AGAP1: variants seen among roughly 807,000 people sequenced by gnomAD.
AGAP1 encodes the protein arf-GAP with GTPase, ANK repeat and PH domain-containing protein 1.
AGAP1 carries 29 observed loss-of-function variants against 105.3 expected under a neutral mutation model. That is an observed-to-expected ratio of 0.28 (90% CI 0.21 to 0.38). The LOEUF is 0.38. AGAP1 is among the 10% of genes least tolerant of loss of function. The probability of loss-of-function intolerance (pLI) is 1.00; values close to 1 mark genes in which losing one functional copy is unlikely to be tolerated. For synonymous variants in AGAP1, 509 were observed against 485.9 expected (o/e 1.05, Z -0.63); for missense variants, 998 against 1,165.1 (o/e 0.86, Z 2.09).
intron 13 of AGAP1, among the ~76,000 whole-genome samples, chr2:235,995,040 A>C (rs2055741593): frequency 9.0e-6 from 1 of 111,392 alleles, no homozygotes; most frequent in Non-Finnish European, 1.7e-5. Flanking sequence ...CACTCCAACC[A>C]GGGAGACAGT....
chr2:235,603,763 C>T (rs1347310769), intron 1 of AGAP1, among the ~76,000 whole-genome samples: 2 of 152,108 alleles, frequency 1.3e-5, no homozygotes, highest in East Asian at 1.9e-4. Context: ...GTATTTTCTC[C>T]TCTCATATCT....
At chr2:235,699,936 C>G (rs535373338) in intron 1 of AGAP1, among the ~76,000 whole-genome samples, 1 of 152,280 alleles carries the variant, frequency 6.6e-6, no homozygotes, top group African/African-American at 2.4e-5. Context: ...TTCTGGGGAC[C>G]TCGGTGTTGG....
intron 1 of AGAP1, among the ~76,000 whole-genome samples, chr2:235,650,265 A>G (rs1465787453): frequency 6.6e-6 from 1 of 152,134 alleles, no homozygotes; most frequent in Admixed American, 6.5e-5. Flanking sequence ...AGAGGCTGAG[A>G]CAGGAAAAAT....
At chr2:235,522,737 A>T (rs1455202374) in intron 1 of AGAP1, among the ~76,000 whole-genome samples, 1 of 152,128 alleles carries the variant, frequency 6.6e-6, no homozygotes, top group African/African-American at 2.4e-5. Context: ...GGAGTAAGGG[A>T]GGATGTCTTG....
At chr2:235,567,039 G>C (rs1202805325) in intron 1 of AGAP1, among the ~76,000 whole-genome samples, 1 of 152,108 alleles carries the variant, frequency 6.6e-6, no homozygotes, top group East Asian at 1.9e-4. Flanking sequence ...CTTCTGGGTG[G>C]GTGTGAATTT....
rs947803283 is a variant in AGAP1, at chr2:236,002,899, A to G, written c.1646-33662A>G. Among the ~76,000 whole-genome samples the G allele has an allele frequency of 6.6e-6, 1 of 152,188 alleles. No homozygotes were observed. Among genetic ancestry groups the G allele is most frequent in the African/African-American group, 2.4e-5 (1 of 41,438 alleles). On this transcript the variant is annotated intron_variant, in intron 13 of 17. Transcript: ENST00000304032. This position sits in a 1 kb window ranked among gnomAD's most constrained non-coding sequence, Gnocchi z 4.3. ...CTCCTAAGGTGAAGTTTGTGTGTGAACAGGAGGGCCGGGGTCGCTGGGTTC... is the reference window on the plus strand; with the variant it reads ...CTCCTAAGGTGAAGTTTGTGTGTGAGCAGGAGGGCCGGGGTCGCTGGGTTC...
At chr2:235,538,753 G>A (rs573751547) in intron 1 of AGAP1, among the ~76,000 whole-genome samples, 3 of 152,128 alleles carry the variant, frequency 2.0e-5, no homozygotes, top group South Asian at 2.1e-4. Flanking sequence ...TTTTTGAGGA[G>A]ATTTGAGAAG....
At position 235,737,778 on chromosome 2, in the gene AGAP1, C is replaced by T. The variant is rs957998610; in HGVS notation, c.311-3185C>T. Among the ~76,000 whole-genome samples, 12 of 152,088 alleles carry T rather than the reference C, an allele frequency of 7.9e-5. No homozygotes were observed. Among genetic ancestry groups the T allele is most frequent in the South Asian group, 4.1e-4 (2 of 4,826 alleles). On this transcript the variant is annotated intron_variant, in intron 3 of 17. Coordinates refer to ENST00000304032, the MANE Select transcript of AGAP1 (RefSeq NM_001037131.3). This position sits in a 1 kb window ranked among gnomAD's most constrained non-coding sequence, Gnocchi z 4.5. The stretch of plus-strand genomic sequence containing the variant: ...AGAGGTAGGCAGCGAGGGACACTGG[C>T]GTTGCAGGGCCCCTGGGACAGGCTC...
Position 235,705,546 on chromosome 2 carries a change from G to T in AGAP1, c.164-3633G>T, listed in dbSNP as rs559769195. On this transcript the variant is annotated intron_variant, in intron 1 of 17. Transcript: ENST00000304032. The surrounding 1 kb of genome is among the most constrained non-coding windows in gnomAD (Gnocchi z 4.9). ...CAGCACAGTGTCCAGCCCACAGATA[G>T]GTCCCTGTAGTGGAGTAGGAGGAAG... is the stretch of plus-strand genomic sequence containing the variant. 2.6e-5 allele frequency among the ~76,000 whole-genome samples: 4 copies of T among 152,334 alleles called. No homozygotes were observed. The South Asian group carries it at 8.3e-4, about 32-fold the overall frequency.
At chr2:235,579,409 G>A (rs960180084) in intron 1 of AGAP1, among the ~76,000 whole-genome samples, 1 of 152,182 alleles carries the variant, frequency 6.6e-6, no homozygotes, top group Non-Finnish European at 1.5e-5. Flanking sequence ...CCCAGGGGGC[G>A]ACTTGGCTCT....
At chr2:236,017,674 T>A (rs991628117) in intron 13 of AGAP1, among the ~76,000 whole-genome samples, 2 of 152,190 alleles carry the variant, frequency 1.3e-5, no homozygotes, top group African/African-American at 4.8e-5. Context: ...TCTGGGACTT[T>A]CCTCAGGATC....
At chr2:236,064,008 T>C (rs977681536) in intron 16 of AGAP1, among the ~76,000 whole-genome samples, 3 of 152,186 alleles carry the variant, frequency 2.0e-5, no homozygotes, top group African/African-American at 7.2e-5. Context: ...TACCTATAAG[T>C]CTCTCCTCAA....
chr2:235,938,731 T>C (rs372069274), intron 12 of AGAP1, among the ~76,000 whole-genome samples: 1 of 152,086 alleles, frequency 6.6e-6, no homozygotes, highest in East Asian at 1.9e-4. Context: ...GGCCACATTT[T>C]GAGAAAGACA....
At chr2:235,950,748 TCTTAC>T (rs2125261303) in intron 12 of AGAP1, among the ~76,000 whole-genome samples, 1 of 152,298 alleles carries the variant, frequency 6.6e-6, no homozygotes, top group Non-Finnish European at 1.5e-5. Context: ...TGGAGCACAA[TCTTAC>T]CTTTCAGTTT....
At chr2:235,815,979 T>C (rs577622212) in intron 9 of AGAP1, among the ~76,000 whole-genome samples, 2 of 152,186 alleles carry the variant, frequency 1.3e-5, no homozygotes, top group South Asian at 4.1e-4. Flanking sequence ...CGCGGGTAAA[T>C]GTTGGGCCTG....
At chr2:236,033,517 G>A (rs1434895295) in intron 13 of AGAP1, among the ~76,000 whole-genome samples, 3 of 152,236 alleles carry the variant, frequency 2.0e-5, no homozygotes, top group Admixed American at 6.5e-5. Flanking sequence ...CAGCTACTGC[G>A]TTGGGATGAG....
In AGAP1 at chr2:235,631,991, T is replaced by C. The variant is rs1432009048; in HGVS notation, c.164-77188T>C. Among the ~76,000 whole-genome samples the C allele has an allele frequency of 6.6e-6, 1 of 152,164 alleles. No homozygotes were observed. Among genetic ancestry groups the C allele is most frequent in the East Asian group, 1.9e-4 (1 of 5,192 alleles). The stretch of plus-strand genomic sequence containing the variant: ...TGGGACAGCAAGGGTCATGTTGGCA[T>C]TGGAAGGGGTCTGGGTTTATGGGGT... On this transcript the variant is annotated intron_variant, in intron 1 of 17. Transcript: ENST00000304032. This position sits in a 1 kb window ranked among gnomAD's most constrained non-coding sequence, Gnocchi z 5.4.
At chr2:235,841,490 A>G (rs565374678) in intron 9 of AGAP1, among the ~76,000 whole-genome samples, 2 of 152,218 alleles carry the variant, frequency 1.3e-5, no homozygotes, top group African/African-American at 4.8e-5. Context: ...TTAGCCAGGC[A>G]TGGTGGTGTG....
chr2:235,494,934 C>G, intron 1 of AGAP1, 85 bp downstream of exon 1: 1 of 1,315,864 alleles, frequency 7.6e-7, no homozygotes, highest in Non-Finnish European at 1.0e-6. Flanking sequence ...GTGCGGGTGT[C>G]CACACACGCC....
Sources: gnomAD v4.1 joint callset for allele counts (sites outside exome capture counted in the v4.1 genomes callset) on GRCh38, gnomAD v4.1.1 for gene constraint, Gnocchi (gnomAD v3.1) non-coding constraint, MANE v1.5 for transcripts, NCBI Gene and HGNC (gene_info 2026-07-23, HGNC 2026-07-21) for gene names.